SKIL: variants seen among roughly 807,000 people sequenced by gnomAD.
The protein encoded by SKIL is SKI like proto-oncogene.
A neutral mutation model predicts 69.6 loss-of-function variants in SKIL; 20 were observed. The ratio of observed to expected loss-of-function variants is 0.29; its 90% CI spans 0.20 to 0.42. The LOEUF is 0.42. SKIL is among the 10% of genes least tolerant of loss of function. The pLI is 1.00. For synonymous variants in SKIL, 310 were observed against 279.9 expected, an observed-to-expected ratio of 1.11 and a Z score of -1.08; for missense variants, 745 against 783.1, an observed-to-expected ratio of 0.95 and a Z score of 0.58.
At chr3:170,381,031 C>T (rs1055307824) in intron 2 of SKIL, among the ~76,000 whole-genome samples, 19 of 144,982 alleles carry the variant, frequency 1.3e-4, no homozygotes, top group African/African-American at 4.8e-4. Context: ...ACTGGGTCTT[C>T]CTATGTTGCC....
chr3:170,390,693 G>T (rs1358258427), intron 5 of SKIL, among the ~76,000 whole-genome samples: 1 of 152,060 alleles, frequency 6.6e-6, no homozygotes, highest in Non-Finnish European at 1.5e-5. Context: ...CTCCATGCTG[G>T]CCAGGCTCGA....
chr3:170,382,708 C>T lies in SKIL; in HGVS notation c.1196+1367C>T, dbSNP rs529032013. 6.4e-4 allele frequency among the ~76,000 whole-genome samples: 90 copies of T among 141,670 alleles called. 2 individuals are homozygous for T. Among genetic ancestry groups the T allele is most frequent in the South Asian group, 3.6e-3 (16 of 4,422 alleles). 92.9% of individuals were successfully genotyped at this position (141,670 alleles called of 152,430 possible). On this transcript the variant is annotated intron_variant, in intron 3 of 6. Transcript: ENST00000259119. ...ACAGGTGTGAGCCACCGCCCCGAGC[C>T]GCAACTTCAATTTTTTTTTTTTTTT...
chr3:170,364,578 T>C (rs939149489), intron 2 of SKIL, among the ~76,000 whole-genome samples: 1 of 151,416 alleles, frequency 6.6e-6, no homozygotes, highest in African/African-American at 2.4e-5. Flanking sequence ...CTCCTCGTCC[T>C]CTCAATTGCT....
chr3:170,365,519 A>C (rs536873608), intron 2 of SKIL, among the ~76,000 whole-genome samples: 1 of 152,292 alleles, frequency 6.6e-6, no homozygotes, highest in African/African-American at 2.4e-5. Flanking sequence ...AAAAATCAGA[A>C]ATTCAAAATA....
chr3:170,359,014 T>C (rs1736081959), intron 1 of SKIL, among the ~76,000 whole-genome samples: 1 of 152,236 alleles, frequency 6.6e-6, no homozygotes, highest in Non-Finnish European at 1.5e-5. Context: ...TCTGATTTTT[T>C]TGGATGAAAC....
Position 170,360,442 on chromosome 3 carries a change from T to C in SKIL, c.111T>C (p.His37=), listed in dbSNP as rs758870668. Residue 37 remains histidine, a synonymous_variant, in exon 2 of 7, where the codon CAT becomes CAC. Coordinates refer to ENST00000259119, the MANE Select transcript of SKIL (RefSeq NM_005414.5). The part of the protein sequence containing the change: ...PPAKKMITDI[H]ANGKTINKVP... ...CGAAAAAAATGATAACGGACATTCA[T>C]GCAAATGGAAAAACGATAAACAAGG... is the stretch of plus-strand genomic sequence containing the variant. The C allele has an allele frequency of 9.9e-6, 16 of 1,613,902 alleles. No individual in the cohort carries two copies. In the East Asian group the frequency reaches 2.5e-4, roughly 25 times the overall value.
At position 170,385,796 on chromosome 3, in the gene SKIL, CTTTCTTTTTTTT is replaced by C. The variant is rs1737592430; in HGVS notation, c.1429+1032_1429+1043del. 3.3e-5 allele frequency among the ~76,000 whole-genome samples: 5 copies of C among 150,208 alleles called. No individual in the cohort carries two copies. The South Asian group carries it at 1.1e-3, about 32-fold the overall frequency. The stretch of plus-strand genomic sequence containing the variant: ...CTTGGGGGTTTTCTTTTCTTTCTTT[CTTTCTTTTTTTT>C]CTTTTTTTTTTTTGAGGAGTTTCAC... On this transcript the variant is annotated intron_variant, in intron 4 of 6. Transcript: ENST00000259119.
At chr3:170,375,196 C>T (rs1009352214) in intron 2 of SKIL, among the ~76,000 whole-genome samples, 7 of 152,154 alleles carry the variant, frequency 4.6e-5, no homozygotes, top group Non-Finnish European at 7.4e-5. Context: ...GCTAGGTGAT[C>T]TTTAAGATTC....
Position 170,387,913 on chromosome 3 carries a change from G to A in SKIL, c.1430-2310G>A, listed in dbSNP as rs113942155. 3.9e-3 allele frequency among the ~76,000 whole-genome samples: 380 copies of A among 98,380 alleles called. 3 individuals are homozygous for A. Among genetic ancestry groups the A allele is most frequent in the Non-Finnish European group, 5.2e-3 (287 of 55,590 alleles). 64.5% of individuals were successfully genotyped at this position (98,380 alleles called of 152,430 possible). A position where few individuals can be genotyped will look rare whatever the true frequency, so the allele number is the denominator to read the frequency against. On this transcript the variant is annotated intron_variant, in intron 4 of 6. Transcript: ENST00000259119. Reference sequence around the variant, plus strand: ...CCCGCCACTGCACTCCAGCCTGGGCGACAGAGCGAGACTCCGTCTCAAAAA... The same window carrying A: ...CCCGCCACTGCACTCCAGCCTGGGCAACAGAGCGAGACTCCGTCTCAAAAA...
At chr3:170,385,076 C>A in intron 4 of SKIL, 1 of 185,632 alleles carries the variant, frequency 5.4e-6, no homozygotes, top group Non-Finnish European at 1.1e-5. Context: ...CCTTGTTTTT[C>A]TTTCCTCCTT....
intron 2 of SKIL, among the ~76,000 whole-genome samples, chr3:170,366,920 A>G (rs949980596): frequency 6.6e-6 from 1 of 152,258 alleles, no homozygotes; most frequent in African/African-American, 2.4e-5. Context: ...TATGTAAACA[A>G]AAATAGAAAA....
chr3:170,358,642 T>TCCC (rs1736061966), intron 1 of SKIL: 1 of 152,280 alleles, frequency 6.6e-6, no homozygotes, highest in African/African-American at 2.4e-5. Context: ...GGGTCTGTTT[T>TCCC]AAGGTAAAGT....
rs1393426069 is a variant in SKIL, at chr3:170,393,646, C to G, written c.*1229C>G. 6.6e-6 allele frequency: 1 copy of G among 151,876 alleles called. No homozygotes were observed. Among genetic ancestry groups the G allele is most frequent in the Non-Finnish European group, 1.5e-5 (1 of 67,956 alleles). 9.4% of individuals were successfully genotyped at this position (151,876 alleles called of 1,614,324 possible). On this transcript the variant is annotated 3_prime_UTR_variant, in exon 7 of 7. Coordinates refer to ENST00000259119, the MANE Select transcript of SKIL (RefSeq NM_005414.5). ...ATTTCATATTTGTTAATTCTTGGCT[C>G]AAAATATATTAGGTAAAATTCTTAG...
intron 2 of SKIL, among the ~76,000 whole-genome samples, chr3:170,367,991 T>C (rs949414712): frequency 3.3e-5 from 5 of 152,232 alleles, no homozygotes; most frequent in South Asian, 2.1e-4. Flanking sequence ...GTAGAGATCA[T>C]TGGAGTAATA....
At chr3:170,374,636 A>G (rs182096835) in intron 2 of SKIL, among the ~76,000 whole-genome samples, 6 of 152,302 alleles carry the variant, frequency 3.9e-5, no homozygotes, top group African/African-American at 1.4e-4. Flanking sequence ...ACACAAATGC[A>G]GAATAGATGA....
rs1577448552 is a variant in SKIL, at chr3:170,390,615, T to C, written c.1671+151T>C. 6.2e-6 allele frequency: 4 copies of C among 645,644 alleles called. No individual in the cohort carries two copies. In the East Asian group the frequency reaches 1.1e-4, roughly 18 times the overall value. The allele number at this position is 645,644 out of a possible 1,614,324, so 40.0% of individuals were successfully genotyped here. A position where few individuals can be genotyped will look rare whatever the true frequency, so the allele number is the denominator to read the frequency against. ...AATTCTTCTGCCTTAGCCTTCCGAGTAGCTAGCATTACAGGCACGTGCCAC... is the reference window on the plus strand; with the variant it reads ...AATTCTTCTGCCTTAGCCTTCCGAGCAGCTAGCATTACAGGCACGTGCCAC... On this transcript the variant is annotated intron_variant, in intron 5 of 6. Coordinates refer to ENST00000259119, the MANE Select transcript of SKIL (RefSeq NM_005414.5).
chr3:170,395,165 T>G lies in SKIL; in HGVS notation c.*2748T>G, dbSNP rs1738130240. On this transcript the variant is annotated 3_prime_UTR_variant, in exon 7 of 7. Transcript: ENST00000259119. ...GGCGATAGTTTCTGTAGGCTAAACT[T>G]TATGAGAAAAGTGTACCTACTCTAT... The G allele has an allele frequency of 6.6e-6, 1 of 152,138 alleles. No individual in the cohort carries two copies. The highest frequency in any genetic ancestry group is 2.1e-4 in the South Asian group (1 of 4,838). The allele number at this position is 152,138 out of a possible 1,614,324, so 9.4% of individuals were successfully genotyped here.
chr3:170,394,939 T>C lies in SKIL; in HGVS notation c.*2522T>C, dbSNP rs150930951. ...GTGTGTTGGTTGCTAGCTTAAAGTTTGATTTGTTGTTACTCTTTGTGTGCC... is the reference window on the plus strand; with the variant it reads ...GTGTGTTGGTTGCTAGCTTAAAGTTCGATTTGTTGTTACTCTTTGTGTGCC... On this transcript the variant is annotated 3_prime_UTR_variant, in exon 7 of 7. Coordinates refer to ENST00000259119, the MANE Select transcript of SKIL (RefSeq NM_005414.5). The C allele has an allele frequency of 1.4e-4, 21 of 152,302 alleles. No individual in the cohort carries two copies. Among genetic ancestry groups the C allele is most frequent in the Non-Finnish European group, 2.8e-4 (19 of 67,992 alleles). 9.4% of individuals were successfully genotyped at this position (152,302 alleles called of 1,614,324 possible). A position where few individuals can be genotyped will look rare whatever the true frequency, so the allele number is the denominator to read the frequency against.
At position 170,392,455 on chromosome 3, in the gene SKIL, G is replaced by C. The variant is rs995828362; in HGVS notation, c.*38G>C. The C allele has an allele frequency of 1.4e-6, 2 of 1,385,660 alleles. No homozygotes were observed. Among genetic ancestry groups the C allele is most frequent in the South Asian group, 3.1e-5 (2 of 64,110 alleles). The allele number at this position is 1,385,660 out of a possible 1,614,324, so 85.8% of individuals were successfully genotyped here. A position where few individuals can be genotyped will look rare whatever the true frequency, so the allele number is the denominator to read the frequency against. On this transcript the variant is annotated 3_prime_UTR_variant, in exon 7 of 7. Transcript: ENST00000259119. ...AGATTCATCTGTGTATTACTGACAA[G>C]GTTTTTTTTGTTTGTTGCTTGCTTT...
Sources: gnomAD v4.1 joint callset for allele counts (sites outside exome capture counted in the v4.1 genomes callset) on GRCh38, gnomAD v4.1.1 for gene constraint, MANE v1.5 for transcripts, NCBI Gene and HGNC (gene_info 2026-07-23, HGNC 2026-07-21) for gene names.